The following PHTF1 variants were observed in gnomAD, a reference collection of about 807,000 sequenced individuals.
PHTF1 encodes the protein putative homeodomain transcription factor 1.
A neutral mutation model predicts 102.4 loss-of-function variants in PHTF1; 88 were observed. The ratio of observed to expected loss-of-function variants is 0.86; its 90% CI spans 0.72 to 1.03. The LOEUF is 1.03. Ranked by LOEUF, PHTF1 falls within the 50% of genes least tolerant of loss-of-function variation. The pLI is 0.00. For synonymous variants in PHTF1, 289 were observed against 305.2 expected (o/e 0.95, Z 0.55); for missense variants, 814 against 909.5 (o/e 0.89, Z 1.35).
chr1:113,701,010 CT>C, intron 15 of PHTF1, 61 bp from the exon 16 acceptor site: 2 of 1,216,252 alleles, frequency 1.6e-6, no homozygotes, highest in Non-Finnish European at 2.4e-6. Flanking sequence ...TGTAATTACT[CT>C]TTTACTCTGT....
chr1:113,728,576 T>G (rs1448020965), intron 5 of PHTF1, among the ~76,000 whole-genome samples: 1 of 152,168 alleles, frequency 6.6e-6, no homozygotes, highest in Non-Finnish European at 1.5e-5. Flanking sequence ...AACTACCATA[T>G]GATCCAGCAA....
chr1:113,712,054 A>C lies in PHTF1; in HGVS notation c.843T>G (p.Gly281=). 6.2e-7 allele frequency: 1 copy of C among 1,614,044 alleles called. No homozygotes were observed. The highest frequency in any genetic ancestry group is 1.1e-5 in the South Asian group (1 of 91,076). Residue 281 remains glycine, a synonymous_variant, in exon 9 of 19, where the codon GGT becomes GGG. Transcript: ENST00000369604. ...ATAATATCATCTGTGTCCGTGCTTC[A>C]CCATCTTCTTCACTTGACAGGTCAT... The part of the protein sequence containing the change: ...VSDDLSSEED[G]EARTQMILLR...
chr1:113,728,590 C>T (rs1052120454), intron 5 of PHTF1, among the ~76,000 whole-genome samples: 7 of 152,236 alleles, frequency 4.6e-5, no homozygotes, highest in African/African-American at 1.2e-4. Flanking sequence ...CCAGCAATCT[C>T]ACTGCTGGGT....
chr1:113,706,724 T>C lies in PHTF1; in HGVS notation c.1270-2A>G, dbSNP rs779324067. On this transcript the variant is annotated splice_acceptor_variant, in intron 11 of 18. Coordinates refer to ENST00000369604, the MANE Select transcript of PHTF1 (RefSeq NM_001323043.2). LOFTEE classifies it high-confidence loss of function. Reference sequence around the variant, plus strand: ...ATTCTGAAGCCAGAATAAATGATTCTGAGAAGAAAAATATAAAATTGTTTC... The same window carrying C: ...ATTCTGAAGCCAGAATAAATGATTCCGAGAAGAAAAATATAAAATTGTTTC... The C allele has an allele frequency of 1.9e-6, 3 of 1,596,854 alleles. No individual in the cohort carries two copies. Among genetic ancestry groups the C allele is most frequent in the Non-Finnish European group, 2.6e-6 (3 of 1,172,116 alleles).
chr1:113,728,572 C>A (rs935051692), intron 5 of PHTF1, among the ~76,000 whole-genome samples: 6 of 152,176 alleles, frequency 3.9e-5, no homozygotes, highest in Non-Finnish European at 7.3e-5. Context: ...ATAGAACTAC[C>A]ATATGATCCA....
chr1:113,716,964 G>A (rs1652145017), intron 7 of PHTF1, among the ~76,000 whole-genome samples: 1 of 152,026 alleles, frequency 6.6e-6, no homozygotes, highest in African/African-American at 2.4e-5. Flanking sequence ...TCTTCAATAG[G>A]AAGACTAAAA....
intron 7 of PHTF1, among the ~76,000 whole-genome samples, chr1:113,722,584 A>G (rs565680415): frequency 2.0e-5 from 3 of 152,064 alleles, no homozygotes; most frequent in Non-Finnish European, 4.4e-5. Flanking sequence ...TAACAATGAC[A>G]TTCTTCACAA....
Position 113,710,365 on chromosome 1 carries a change from C to T in PHTF1, c.1158G>A (p.Leu386=). 6.2e-7 allele frequency: 1 copy of T among 1,614,160 alleles called. No individual in the cohort carries two copies. The highest frequency in any genetic ancestry group is 8.5e-7 in the Non-Finnish European group (1 of 1,179,994). Residue 386 remains leucine, a synonymous_variant, in exon 11 of 19, where the codon CTG becomes CTA. Transcript: ENST00000369604. ...SETEDMLWDD[L]LHGPECRSSV... ...ATGACCGGCACTCTGGGCCATGTAG[C>T]AGGTCGTCCCATAACATGTCCTCAG...
intron 11 of PHTF1, 53 bp from the exon 12 acceptor site, chr1:113,706,775 G>C: frequency 4.6e-6 from 6 of 1,290,406 alleles, no homozygotes; most frequent in Non-Finnish European, 6.3e-6. Context: ...GCCTCCATTA[G>C]TTTTTCTTTC....
At chr1:113,743,172 AT>A (rs960307628) in intron 3 of PHTF1, among the ~76,000 whole-genome samples, 4 of 152,114 alleles carry the variant, frequency 2.6e-5, no homozygotes, top group South Asian at 2.1e-4. Flanking sequence ...AAGCTTTATA[AT>A]TTTTTTAACT....
At chr1:113,748,525 AT>A (rs971330679) in intron 3 of PHTF1, among the ~76,000 whole-genome samples, 1 of 151,556 alleles carries the variant, frequency 6.6e-6, no homozygotes, top group African/African-American at 2.4e-5. Context: ...ATTTATTTTA[AT>A]TTTTATTTAT....
Position 113,736,118 on chromosome 1 carries a change from G to A in PHTF1, c.331+1992C>T, listed in dbSNP as rs191133127. Among the ~76,000 whole-genome samples the A allele has an allele frequency of 7.9e-3, 1,200 of 151,976 alleles. 12 individuals are homozygous for A. Among genetic ancestry groups the A allele is most frequent in the African/African-American group, 0.026 (1,085 of 41,434 alleles). The stretch of plus-strand genomic sequence containing the variant: ...AGCACTTTGGGAGACCGAGGCGGGC[G>A]GATAGCAAGGTCAGGAGATCGAGAC... On this transcript the variant is annotated intron_variant, in intron 5 of 18. Transcript: ENST00000369604.
intron 3 of PHTF1, among the ~76,000 whole-genome samples, chr1:113,753,133 T>C (rs984845760): frequency 2.0e-5 from 3 of 152,254 alleles, no homozygotes; most frequent in African/African-American, 4.8e-5. Context: ...TTGGTCATAG[T>C]AGATAAGCCA....
intron 7 of PHTF1, among the ~76,000 whole-genome samples, chr1:113,723,403 C>T (rs980193212): frequency 6.6e-6 from 1 of 152,174 alleles, no homozygotes; most frequent in Non-Finnish European, 1.5e-5. Flanking sequence ...GTCTTGAACT[C>T]CTGACCTCAA....
In PHTF1 at chr1:113,705,976, A is replaced by G. The variant is rs553656506; in HGVS notation, c.1585T>C (p.Leu529=). The G allele has an allele frequency of 2.0e-5, 33 of 1,613,934 alleles. No individual in the cohort carries two copies. Among genetic ancestry groups the G allele is most frequent in the Middle Eastern group, 3.3e-4 (2 of 6,058 alleles). ...GAPPVTPIIV[L]SIINFFERLC... is the part of the protein sequence containing the mutation. ...CTTTCAAAAAAATTAATTATCGACA[A>G]AACAATAATAGGTGTAACAGGTGGT... Residue 529 remains leucine (L), a synonymous_variant, in exon 13 of 19, where the codon TTG becomes CTG. Transcript: ENST00000369604.
intron 3 of PHTF1, among the ~76,000 whole-genome samples, chr1:113,747,616 G>A (rs1177382611): frequency 6.6e-6 from 1 of 152,164 alleles, no homozygotes; most frequent in Non-Finnish European, 1.5e-5. Context: ...TACAGTACAT[G>A]TCCTCCCACA....
chr1:113,726,557 A>G lies in PHTF1; in HGVS notation c.349T>C (p.Tyr117His), dbSNP rs1208736585. The G allele has an allele frequency of 3.2e-6, 5 of 1,586,798 alleles. No individual in the cohort carries two copies. Among genetic ancestry groups the G allele is most frequent in the Non-Finnish European group, 4.3e-6 (5 of 1,168,748 alleles). Residue 117 changes from tyrosine (Y) to histidine (H), a missense_variant, in exon 6 of 19, where the codon TAT becomes CAT. Transcript: ENST00000369604. ...ATGTTCACAATAGGCATCATCAAATATAAGACAATTGCTATAACTGAAAAG... is the reference window on the plus strand; with the variant it reads ...ATGTTCACAATAGGCATCATCAAATGTAAGACAATTGCTATAACTGAAAAG... ...YFMQVIAIVL[Y>H]LMMPIVNISE...
intron 3 of PHTF1, among the ~76,000 whole-genome samples, chr1:113,753,628 A>G (rs1250934789): frequency 1.3e-5 from 2 of 151,458 alleles, no homozygotes; most frequent in Non-Finnish European, 2.9e-5. Context: ...GGGTTTCACC[A>G]TGTTGCCCAG....
rs955375771 is a variant in PHTF1 at position 113,710,282 on chromosome 1, C to T, written c.1241G>A (p.Arg414His). 2.5e-6 allele frequency: 4 copies of T among 1,613,450 alleles called. No individual in the cohort carries two copies. Among genetic ancestry groups the T allele is most frequent in the African/African-American group, 2.7e-5 (2 of 74,914 alleles). Residue 414 changes from arginine to histidine, a missense_variant, in exon 11 of 19, where the codon CGT (arginine) becomes CAT (histidine). Transcript: ENST00000369604. ...HVNTLHSGTKRDPKEDVFQQN... is the reference protein window; with the variant it reads ...HVNTLHSGTKHDPKEDVFQQN... The stretch of plus-strand genomic sequence containing the variant: ...CTGAAAAACATCCTCTTTGGGGTCA[C>T]GTTTGGTCCCTGAGTGAAGGGTATT...
Sources: allele counts gnomAD v4.1 joint callset (sites outside exome capture counted in the v4.1 genomes callset), GRCh38; gene constraint gnomAD v4.1.1; transcripts MANE v1.5; gene names NCBI Gene and HGNC (gene_info 2026-07-23, HGNC 2026-07-21).